Variants in DHX34 observed in about 807,000 individuals in gnomAD.
The protein encoded by DHX34 is DExH-box helicase 34.
Under a neutral mutation model 111.1 loss-of-function variants are expected in DHX34, and 96 were observed. The ratio of observed to expected loss-of-function variants is 0.86; its 90% confidence interval spans 0.73 to 1.02. The LOEUF is 1.02. Ranked by LOEUF, DHX34 falls within the 50% of genes least tolerant of loss-of-function variation. The pLI is 0.00. For missense variants in DHX34, 1,560 were observed against 1,579.9 expected, an observed-to-expected ratio of 0.99 and a Z score of 0.21; for synonymous variants, 688 against 670.4, an observed-to-expected ratio of 1.03 and a Z score of -0.41.
intron 5 of DHX34, 24 bp from the exon 6 acceptor site, chr19:47,362,452 C>G (rs1969659550): frequency 2.6e-6 from 4 of 1,531,476 alleles, no homozygotes; most frequent in Non-Finnish European, 3.5e-6. Flanking sequence ...ACACAGACTC[C>G]CTTTCCTCAT....
intron 2 of DHX34, 144 bp from the exon 3 acceptor site, chr19:47,354,895 C>A: frequency 4.9e-6 from 7 of 1,426,932 alleles, no homozygotes; most frequent in Non-Finnish European, 6.5e-6. Flanking sequence ...CTCAGGTGAT[C>A]CGCCCGCCTC....
At position 47,367,126 on chromosome 19, in the gene DHX34, T is replaced by A; in HGVS notation, c.1739T>A (p.Leu580Gln). Residue 580 changes from leucine (L) to glutamine (Q), a missense_variant, in exon 7 of 17, where the codon CTA (leucine) becomes CAA (glutamine). Coordinates refer to ENST00000328771, the MANE Select transcript of DHX34 (RefSeq NM_014681.6). ...GCCCTCACACCCATTGGGTCCCTGCTAGCCCAGCTGCCTGTGGACGTTGTG... is the reference window on the plus strand; with the variant it reads ...GCCCTCACACCCATTGGGTCCCTGCAAGCCCAGCTGCCTGTGGACGTTGTG... ...SEALTPIGSL[L>Q]AQLPVDVVIG... is the part of the protein sequence containing the mutation. The A allele has an allele frequency of 6.3e-7, 1 of 1,574,894 alleles. No homozygotes were observed. Among genetic ancestry groups the A allele is most frequent in the Non-Finnish European group, 8.6e-7 (1 of 1,160,272 alleles).
chr19:47,371,078 T>C (rs1969951768), intron 7 of DHX34, among the ~76,000 whole-genome samples: 1 of 152,262 alleles, frequency 6.6e-6, no homozygotes, highest in Non-Finnish European at 1.5e-5. Flanking sequence ...AAAGGCTCTG[T>C]GGACTTTCCG....
intron 7 of DHX34, among the ~76,000 whole-genome samples, chr19:47,372,317 ACT>A (rs1163386448): frequency 6.6e-6 from 1 of 151,908 alleles, no homozygotes; most frequent in Non-Finnish European, 1.5e-5. Context: ...TACAGGTGAC[ACT>A]CTAGCGCGGA....
intron 2 of DHX34, 96 bp from the exon 3 acceptor site, chr19:47,354,943 C>T (rs1047623904): frequency 5.5e-5 from 85 of 1,541,872 alleles, no homozygotes; most frequent in Non-Finnish European, 6.6e-5. Context: ...CGTGAGCCAC[C>T]GCACCCGGCC....
At chr19:47,376,154 G>A in intron 11 of DHX34, 57 bp downstream of exon 11, 1 of 1,518,866 alleles carries the variant, frequency 6.6e-7, no homozygotes, top group Non-Finnish European at 8.8e-7. Flanking sequence ...AACCCTGAGT[G>A]CCTGTCCTGT....
chr19:47,376,959 C>T, intron 12 of DHX34, 141 bp from the exon 13 acceptor site: 1 of 1,543,622 alleles, frequency 6.5e-7, no homozygotes. Flanking sequence ...GGCTGACCTT[C>T]TTGTCTGAGC....
chr19:47,382,141 G>A lies in DHX34; in HGVS notation c.*28G>A, dbSNP rs371164201. 1.2e-6 allele frequency: 2 copies of A among 1,612,056 alleles called. No homozygotes were observed. Among genetic ancestry groups the A allele is most frequent in the Middle Eastern group, 1.7e-4 (1 of 6,042 alleles). ...TGGGCCAGGAGCCCTGCCCACCTCC[G>A]TGCAGCTGACCTGCCCTCCAGCCCA... is the stretch of plus-strand genomic sequence containing the variant. On this transcript the variant is annotated 3_prime_UTR_variant, in exon 17 of 17. Transcript: ENST00000328771.
intron 9 of DHX34, 191 bp from the exon 10 acceptor site, chr19:47,375,275 T>C (rs1245853727): frequency 1.0e-6 from 1 of 985,228 alleles, no homozygotes; most frequent in Non-Finnish European, 1.2e-6. Context: ...CTGGCCCCGG[T>C]GTTCCCTCCA....
rs751138024 is a variant in DHX34, at chr19:47,358,112, C to G, written c.1264C>G (p.Gln422Glu). 2.5e-6 allele frequency: 4 copies of G among 1,607,308 alleles called. No homozygotes were observed. In the Admixed American group the frequency reaches 6.7e-5, roughly 27 times the overall value. ...GCACAGCGCCCTGTCTGTGGCCGACCAGGACAAGGTATCACAGGAAGCCCG... is the reference window on the plus strand; with the variant it reads ...GCACAGCGCCCTGTCTGTGGCCGACGAGGACAAGGTATCACAGGAAGCCCG... ...PLHSALSVAD[Q>E]DKVFDVAPPG... Residue 422 changes from glutamine to glutamate, a missense_variant, in exon 4 of 17, where the codon CAG becomes GAG. By Grantham distance (29) the Gln-to-Glu change is conservative. Coordinates refer to ENST00000328771, the MANE Select transcript of DHX34 (RefSeq NM_014681.6).
chr19:47,362,488 A>G lies in DHX34; in HGVS notation c.1388A>G (p.Glu463Gly), dbSNP rs1969661017. 2 of 1,587,928 alleles carry G rather than the reference A, an allele frequency of 1.3e-6. No homozygotes were observed. The highest frequency in any genetic ancestry group is 1.7e-6 in the Non-Finnish European group (2 of 1,164,492). Residue 463 changes from glutamate to glycine, a missense_variant, in exon 6 of 17, where the codon GAG becomes GGG. Physicochemically the swap from Glu to Gly is moderately conservative, Grantham distance 98 (BLOSUM62 -2). Coordinates refer to ENST00000328771, the MANE Select transcript of DHX34 (RefSeq NM_014681.6). ...TGCTCCCATCCAGGAAAGGTGAAGG[A>G]GATGAGCTACGATCCGCAGGCCAAG... ...RFVVDSGKVK[E>G]MSYDPQAKLQ... is the part of the protein sequence containing the mutation.
chr19:47,367,374 A>G (rs1203331083), intron 7 of DHX34, among the ~76,000 whole-genome samples: 1 of 152,196 alleles, frequency 6.6e-6, no homozygotes, highest in Non-Finnish European at 1.5e-5. Flanking sequence ...TTTGGTGAAG[A>G]AGACCAGCAA....
chr19:47,361,749 G>A (rs961945897), intron 5 of DHX34, among the ~76,000 whole-genome samples: 1 of 152,116 alleles, frequency 6.6e-6, no homozygotes, highest in Non-Finnish European at 1.5e-5. Flanking sequence ...TCCAGCCTGG[G>A]CAATAAGAGT....
chr19:47,352,626 G>A (rs1188103580), intron 1 of DHX34, 128 bp from the exon 2 acceptor site: 2 of 181,070 alleles, frequency 1.1e-5, no homozygotes, highest in Non-Finnish European at 2.4e-5. Flanking sequence ...GGTGAGCCAT[G>A]ATTACGGCAC....
At chr19:47,349,733 G>A (rs1969227531) in intron 1 of DHX34, among the ~76,000 whole-genome samples, 1 of 151,968 alleles carries the variant, frequency 6.6e-6, no homozygotes, top group East Asian at 1.9e-4. Flanking sequence ...CCATGAACTT[G>A]GGGAGTGGAG....
intron 16 of DHX34, chr19:47,381,589 G>A: frequency 1.7e-6 from 1 of 595,568 alleles, no homozygotes; most frequent in Non-Finnish European, 2.9e-6. Flanking sequence ...GTCTCTCTGT[G>A]GCTATGTCTC....
chr19:47,361,844 T>C (rs1274194017), intron 5 of DHX34, among the ~76,000 whole-genome samples: 2 of 152,182 alleles, frequency 1.3e-5, no homozygotes, highest in Non-Finnish European at 2.9e-5. Context: ...CTCTGTTCAG[T>C]CCTGTGAGAC....
At chr19:47,373,772 C>A in intron 9 of DHX34, 72 bp downstream of exon 9, 1 of 1,532,658 alleles carries the variant, frequency 6.5e-7, no homozygotes, top group African/African-American at 1.4e-5. Flanking sequence ...CAGAACACTG[C>A]TTCCCCTTCC....
Position 47,379,880 on chromosome 19 carries a change from G to A in DHX34, c.2877G>A (p.Ala959=), listed in dbSNP as rs140405392. 5.0e-5 allele frequency: 81 copies of A among 1,613,494 alleles called. No homozygotes were observed. The highest frequency in any genetic ancestry group is 2.3e-4 in the African/African-American group (17 of 75,064). Residue 959 remains alanine, a synonymous_variant, in exon 14 of 17, where the codon GCG becomes GCA. Transcript: ENST00000328771. The part of the protein sequence containing the change: ...RWESALDRQL[A]HQAQQQLEEE... ...AAAGTGCCCTGGACCGGCAGCTGGCGCACCAGGCCCAGCAGCAGCTGGAGG... is the reference window on the plus strand; with the variant it reads ...AAAGTGCCCTGGACCGGCAGCTGGCACACCAGGCCCAGCAGCAGCTGGAGG...
Sources: gnomAD v4.1 joint callset for allele counts (sites outside exome capture counted in the v4.1 genomes callset) on GRCh38, gnomAD v4.1.1 for gene constraint, MANE v1.5 for transcripts, NCBI Gene and HGNC (gene_info 2026-07-23, HGNC 2026-07-21) for gene names.